The following PELI2 variants were observed in gnomAD, a reference collection of about 807,000 sequenced individuals.
PELI2 encodes E3 ubiquitin-protein ligase pellino homolog 2.
PELI2 carries 23 observed loss-of-function variants against 42.3 expected under a neutral mutation model. That is an observed-to-expected ratio of 0.54 (90% CI 0.39 to 0.77). The LOEUF (loss-of-function observed/expected upper bound fraction) is 0.77, where lower values mean the gene tolerates loss of function less well. Among genes scored for constraint, PELI2 ranks in the 30% least tolerant of loss-of-function variants. The pLI is 0.00. For synonymous variants in PELI2, 245 were observed against 212.2 expected, an observed-to-expected ratio of 1.15 and a Z score of -1.34; for missense variants, 463 against 553.2, an observed-to-expected ratio of 0.84 and a Z score of 1.64.
intron 2 of PELI2, among the ~76,000 whole-genome samples, chr14:56,225,803 C>CT (rs1003200427): frequency 1.3e-5 from 2 of 152,200 alleles, no homozygotes; most frequent in African/African-American, 4.8e-5. Context: ...CACTGCACAG[C>CT]TGCCCTTCCA....
At chr14:56,258,884 A>G (rs1187377646) in intron 2 of PELI2, among the ~76,000 whole-genome samples, 2 of 152,096 alleles carry the variant, frequency 1.3e-5, no homozygotes, top group Non-Finnish European at 2.9e-5. Flanking sequence ...AAAAGAATAT[A>G]AAGAAAACTA....
intron 2 of PELI2, among the ~76,000 whole-genome samples, chr14:56,189,196 G>T (rs563150942): frequency 5.9e-4 from 90 of 152,262 alleles, no homozygotes; most frequent in Middle Eastern, 3.4e-3. Context: ...ATATCAGTCA[G>T]TTGAGACCAG....
At chr14:56,118,922 G>T (rs1882954287) in intron 1 of PELI2, among the ~76,000 whole-genome samples, 185 bp downstream of exon 1, 1 of 150,664 alleles carries the variant, frequency 6.6e-6, no homozygotes, top group African/African-American at 2.4e-5. Flanking sequence ...CGCGCGCTCG[G>T]GGTGCTGCGG....
Position 56,160,769 on chromosome 14 carries a change from G to A in PELI2, c.78-17566G>A, listed in dbSNP as rs367907294. ...TCCTGTATTGATACTGAATTGAAAT[G>A]TTTGAAAGAATTTTGGGATCTTTTA... On this transcript the variant is annotated intron_variant, in intron 1 of 5. Coordinates refer to ENST00000267460, the MANE Select transcript of PELI2 (RefSeq NM_021255.3). 1.2e-3 allele frequency among the ~76,000 whole-genome samples: 190 copies of A among 152,296 alleles called. 2 individuals carry two copies. Among genetic ancestry groups the A allele is most frequent in the African/African-American group, 4.1e-3 (172 of 41,568 alleles).
At chr14:56,182,879 C>T (rs1594617542) in intron 2 of PELI2, among the ~76,000 whole-genome samples, 2 of 152,144 alleles carry the variant, frequency 1.3e-5, no homozygotes, top group South Asian at 2.1e-4. Context: ...ACTTTGGAAG[C>T]GCTCACTGTC....
At chr14:56,146,215 C>A (rs1462850764) in intron 1 of PELI2, among the ~76,000 whole-genome samples, 1 of 152,226 alleles carries the variant, frequency 6.6e-6, no homozygotes, top group African/African-American at 2.4e-5. Flanking sequence ...CATTTGGTCT[C>A]CTGTTGCCCC....
chr14:56,284,800 T>G (rs555551392), intron 3 of PELI2, among the ~76,000 whole-genome samples: 1 of 152,290 alleles, frequency 6.6e-6, no homozygotes, highest in Non-Finnish European at 1.5e-5. Context: ...ACTCCTTTGA[T>G]GACTGGGGAG....
At chr14:56,293,121 C>T (rs571782052) in intron 5 of PELI2, among the ~76,000 whole-genome samples, 10 of 152,090 alleles carry the variant, frequency 6.6e-5, no homozygotes, top group African/African-American at 1.9e-4. Flanking sequence ...TTATTGTGTC[C>T]GTCTACAGAT....
At chr14:56,251,057 T>C (rs1888326542) in intron 2 of PELI2, among the ~76,000 whole-genome samples, 1 of 152,184 alleles carries the variant, frequency 6.6e-6, no homozygotes, top group African/African-American at 2.4e-5. Flanking sequence ...CCCTCTTTCC[T>C]TGGTTCTGAG....
chr14:56,119,395 G>T (rs1012686813), intron 1 of PELI2, among the ~76,000 whole-genome samples: 1 of 150,256 alleles, frequency 6.7e-6, no homozygotes, highest in East Asian at 1.9e-4. Flanking sequence ...GAGTGCTCTG[G>T]AGGGGAGGGA....
intron 2 of PELI2, among the ~76,000 whole-genome samples, chr14:56,272,452 A>G (rs910364823): frequency 1.2e-4 from 19 of 152,228 alleles, no homozygotes; most frequent in Non-Finnish European, 2.2e-4. Context: ...CTAGTAAGGC[A>G]TACCTCTTTG....
chr14:56,130,544 G>GT (rs2139586957), intron 1 of PELI2, among the ~76,000 whole-genome samples: 1 of 152,098 alleles, frequency 6.6e-6, no homozygotes, highest in East Asian at 1.9e-4. Flanking sequence ...AAGGTGAAAT[G>GT]TTTTTTCCTT....
intron 2 of PELI2, among the ~76,000 whole-genome samples, chr14:56,245,893 C>T (rs1215578719): frequency 6.6e-6 from 1 of 152,104 alleles, no homozygotes; most frequent in African/African-American, 2.4e-5. Flanking sequence ...TGTATTAATA[C>T]ATATATTATA....
At chr14:56,277,367 G>T (rs1269404732) in intron 2 of PELI2, among the ~76,000 whole-genome samples, 2 of 151,904 alleles carry the variant, frequency 1.3e-5, no homozygotes, top group Non-Finnish European at 2.9e-5. Flanking sequence ...GATCTAGGTT[G>T]CGTGTTCCTT....
At chr14:56,201,696 G>C (rs1017427335) in intron 2 of PELI2, among the ~76,000 whole-genome samples, 4 of 152,142 alleles carry the variant, frequency 2.6e-5, no homozygotes, top group Non-Finnish European at 5.9e-5. Flanking sequence ...TTAGGGGGTG[G>C]CTCAGTTGCA....
intron 2 of PELI2, among the ~76,000 whole-genome samples, chr14:56,184,709 G>A (rs184703110): frequency 9.8e-4 from 149 of 152,098 alleles, no homozygotes; most frequent in East Asian, 7.9e-3. Context: ...TTCAGTAGAA[G>A]GTAATGGAAG....
intron 1 of PELI2, among the ~76,000 whole-genome samples, chr14:56,166,348 A>C (rs1884963018): frequency 6.6e-6 from 1 of 152,176 alleles, no homozygotes; most frequent in Non-Finnish European, 1.5e-5. Context: ...TGAAATGTTG[A>C]TATAGGTATA....
chr14:56,210,228 G>A (rs1335628737), intron 2 of PELI2, among the ~76,000 whole-genome samples: 2 of 152,100 alleles, frequency 1.3e-5, no homozygotes, highest in African/African-American at 4.8e-5. Context: ...GGAGGAGGAA[G>A]AAGAGGGAAA....
At position 56,198,007 on chromosome 14, in the gene PELI2, CACA is replaced by C. The variant is rs1566632279; in HGVS notation, c.207+19544_207+19546del. On this transcript the variant is annotated intron_variant, in intron 2 of 5. Transcript: ENST00000267460. ...ACACACACACACACACACACACACA[CACA>C]CACCCACCTCTTTGGTCCACTTCTC... is the stretch of plus-strand genomic sequence containing the variant. Among the ~76,000 whole-genome samples, 347 of 131,870 alleles carry C rather than the reference CACA, an allele frequency of 2.6e-3. 1 individual carries two copies. The highest frequency in any genetic ancestry group is 8.1e-3 in the African/African-American group (310 of 38,476). The allele number at this position is 131,870 out of a possible 152,430, so 86.5% of individuals were successfully genotyped here. A position where few individuals can be genotyped will look rare whatever the true frequency, so the allele number is the denominator to read the frequency against.
Sources: gnomAD v4.1 joint callset for allele counts (sites outside exome capture counted in the v4.1 genomes callset) on GRCh38, gnomAD v4.1.1 for gene constraint, MANE v1.5 for transcripts, NCBI Gene and HGNC (gene_info 2026-07-23, HGNC 2026-07-21) for gene names.